WWOX: variants seen among roughly 807,000 people sequenced by gnomAD.
WWOX encodes WW domain-containing oxidoreductase.
In WWOX, 69 loss-of-function variants were observed where a neutral mutation model predicts 46.2. The observed-to-expected ratio is 1.49, with a 90% CI of 1.23 to 1.82. The LOEUF is 1.82. WWOX is among the 40% of genes most tolerant of loss of function. The pLI, the probability that WWOX is intolerant of heterozygous loss-of-function variation, is 0.00. For missense variants in WWOX, 919 were observed against 542.6 expected (o/e 1.69, Z -6.89); for synonymous variants, 359 against 202.6 (o/e 1.77, Z -6.56).
intron 8 of WWOX, chr16:78,899,348 A>T (rs920881849): frequency 6.6e-6 from 1 of 152,188 alleles, no homozygotes; most frequent in Non-Finnish European, 1.5e-5. Flanking sequence ...CTCATTGGTT[A>T]AAAGGATTTG....
At chr16:78,693,637 CATT>C (rs2048037822) in intron 8 of WWOX, among the ~76,000 whole-genome samples, 1 of 152,122 alleles carries the variant, frequency 6.6e-6, no homozygotes, top group African/African-American at 2.4e-5. Context: ...TGTCTGGAGA[CATT>C]GTTGGTTGTG....
At chr16:78,690,876 G>A (rs1476465389) in intron 8 of WWOX, among the ~76,000 whole-genome samples, 1 of 152,142 alleles carries the variant, frequency 6.6e-6, no homozygotes. Flanking sequence ...TCTTAGCACC[G>A]TATCAATACC....
At chr16:79,175,259 A>G (rs1408461457) in intron 8 of WWOX, among the ~76,000 whole-genome samples, 1 of 152,254 alleles carries the variant, frequency 6.6e-6, no homozygotes, top group Non-Finnish European at 1.5e-5. Flanking sequence ...ATGAAATGTT[A>G]CAGATCAGTT....
intron 8 of WWOX, among the ~76,000 whole-genome samples, chr16:78,493,218 T>C (rs183595616): frequency 2.0e-5 from 3 of 152,308 alleles, no homozygotes; most frequent in African/African-American, 7.2e-5. Context: ...ATTGTCTTCC[T>C]GGACCTGACA....
chr16:78,518,631 G>A (rs17720649), intron 8 of WWOX, among the ~76,000 whole-genome samples: 11,536 of 152,168 alleles, frequency 0.076, 576 homozygotes, highest in South Asian at 0.12. Context: ...TATTTACTGG[G>A]CATCTAGATT....
At chr16:78,579,097 C>G (rs2044980774) in intron 8 of WWOX, among the ~76,000 whole-genome samples, 1 of 152,020 alleles carries the variant, frequency 6.6e-6, no homozygotes, top group Non-Finnish European at 1.5e-5. Context: ...TGTTTGGTCT[C>G]TCGTCTTTGG....
chr16:78,310,893 C>G (rs986273453), intron 5 of WWOX, among the ~76,000 whole-genome samples: 1 of 152,138 alleles, frequency 6.6e-6, no homozygotes, highest in African/African-American at 2.4e-5. Context: ...GTAGGGGCAC[C>G]CTTGTTGTCA....
intron 5 of WWOX, among the ~76,000 whole-genome samples, chr16:78,199,454 G>A (rs1199754810): frequency 6.6e-6 from 1 of 152,132 alleles, no homozygotes; most frequent in Non-Finnish European, 1.5e-5. Context: ...TCTAACCCAA[G>A]GGTCAACTAA....
chr16:78,328,846 T>TC (rs1236673414), intron 5 of WWOX, among the ~76,000 whole-genome samples: 1 of 152,022 alleles, frequency 6.6e-6, no homozygotes, highest in African/African-American at 2.4e-5. Flanking sequence ...TCTTTTCTTT[T>TC]GTTTTCTTTT....
intron 5 of WWOX, among the ~76,000 whole-genome samples, chr16:78,175,805 G>A (rs1276117822): frequency 6.6e-6 from 1 of 152,224 alleles, no homozygotes; most frequent in African/African-American, 2.4e-5. Context: ...AATTTGTGAT[G>A]TAGCGGTAGA....
Position 78,434,079 on chromosome 16 carries a change from G to A in WWOX, c.1056+1327G>A, listed in dbSNP as rs144644209. ...GCTGGGATTACAGGCGTGAGCCACC[G>A]CGCCCGGCCTGGGGATGACTTTTAA... is the stretch of plus-strand genomic sequence containing the variant. On this transcript the variant is annotated intron_variant, in intron 8 of 8. Transcript: ENST00000566780. Among the ~76,000 whole-genome samples, 614 of 152,248 alleles carry A rather than the reference G, an allele frequency of 4.0e-3. 6 individuals are homozygous for A. Among genetic ancestry groups the A allele is most frequent in the African/African-American group, 0.014 (587 of 41,530 alleles).
chr16:78,566,088 C>A (rs1039943236), intron 8 of WWOX, among the ~76,000 whole-genome samples: 1 of 152,168 alleles, frequency 6.6e-6, no homozygotes, highest in African/African-American at 2.4e-5. Context: ...CTGAGGCTCT[C>A]TTTCTGGTTC....
chr16:78,200,688 G>A (rs112046036), intron 5 of WWOX, among the ~76,000 whole-genome samples: 6,278 of 130,896 alleles, frequency 0.048, 153 homozygotes, highest in Middle Eastern at 0.078. Context: ...TAATTTTACA[G>A]TGTGGTGCCT....
intron 5 of WWOX, among the ~76,000 whole-genome samples, chr16:78,334,073 A>G (rs912442349): frequency 2.0e-5 from 3 of 152,212 alleles, no homozygotes; most frequent in African/African-American, 4.8e-5. Context: ...TTGATGTTAC[A>G]TCGCATAAAG....
At chr16:78,407,399 G>C (rs2082573175) in intron 6 of WWOX, among the ~76,000 whole-genome samples, 1 of 152,134 alleles carries the variant, frequency 6.6e-6, no homozygotes, top group Non-Finnish European at 1.5e-5. Context: ...TTCCTTTGCT[G>C]TGTCTGAAAT....
rs142560565 is a variant in WWOX, at chr16:78,201,442, C to A, written c.516+37153C>A. Among the ~76,000 whole-genome samples the A allele has an allele frequency of 5.2e-3, 795 of 152,184 alleles. 5 individuals carry two copies. Among genetic ancestry groups the A allele is most frequent in the Non-Finnish European group, 6.4e-3 (438 of 68,018 alleles). Reference sequence around the variant, plus strand: ...AAGTCTAAAATGTTGATAACTAAGACCTGAAATGATAAATGTTTGGCAAAA... The same window carrying A: ...AAGTCTAAAATGTTGATAACTAAGAACTGAAATGATAAATGTTTGGCAAAA... On this transcript the variant is annotated intron_variant, in intron 5 of 8. Transcript: ENST00000566780.
At chr16:78,271,050 G>A (rs2079467874) in intron 5 of WWOX, among the ~76,000 whole-genome samples, 1 of 152,144 alleles carries the variant, frequency 6.6e-6, no homozygotes, top group Non-Finnish European at 1.5e-5. Flanking sequence ...ATCAAATTAA[G>A]ATTTTTAGGT....
chr16:79,077,007 C>A (rs898200463), intron 8 of WWOX, among the ~76,000 whole-genome samples: 2 of 152,160 alleles, frequency 1.3e-5, no homozygotes, highest in Non-Finnish European at 2.9e-5. Flanking sequence ...TATGAAATGA[C>A]TGTTTTTATA....
At chr16:78,952,420 TC>T (rs1212828097) in intron 8 of WWOX, among the ~76,000 whole-genome samples, 2 of 151,346 alleles carry the variant, frequency 1.3e-5, no homozygotes, top group Non-Finnish European at 2.9e-5. Flanking sequence ...TCTCGCTCTG[TC>T]CCCCACGCTG....
Sources: gnomAD v4.1 joint callset for allele counts (sites outside exome capture counted in the v4.1 genomes callset) on GRCh38, gnomAD v4.1.1 for gene constraint, MANE v1.5 for transcripts, NCBI Gene and HGNC (gene_info 2026-07-23, HGNC 2026-07-21) for gene names.